NRXN3: variants seen among roughly 807,000 people sequenced by gnomAD.
The protein encoded by NRXN3 is neurexin 3, also known as neurexin III.
Under a neutral mutation model 137.6 loss-of-function variants are expected in NRXN3, and 32 were observed. That is an observed-to-expected ratio of 0.23 (90% confidence interval 0.18 to 0.31). The LOEUF is 0.31. Among genes scored for constraint, NRXN3 ranks in the 10% least tolerant of loss-of-function variants. The probability of loss-of-function intolerance (pLI) is 1.00; values close to 1 mark genes in which losing one functional copy is unlikely to be tolerated. For synonymous variants in NRXN3, 798 were observed against 784.5 expected (o/e 1.02, Z -0.29); for missense variants, 1,574 against 2,062.5 (o/e 0.76, Z 4.59).
At chr14:79,182,990 T>C (rs1369305676) in intron 15 of NRXN3, among the ~76,000 whole-genome samples, 1 of 152,160 alleles carries the variant, frequency 6.6e-6, no homozygotes, top group African/African-American at 2.4e-5. Flanking sequence ...AAGAAAAATC[T>C]GGTACATGTT....
chr14:78,488,575 A>G (rs1451427211), intron 4 of NRXN3, among the ~76,000 whole-genome samples: 2 of 152,120 alleles, frequency 1.3e-5, no homozygotes, highest in African/African-American at 4.8e-5. Context: ...CATTATTACT[A>G]TTACTAAAAT....
intron 15 of NRXN3, among the ~76,000 whole-genome samples, chr14:79,207,765 C>T (rs1438655708): frequency 1.3e-5 from 2 of 152,098 alleles, no homozygotes; most frequent in Non-Finnish European, 2.9e-5. Flanking sequence ...TCTTGGAAGC[C>T]TCTGGGTTTG....
At chr14:79,317,842 A>G (rs1454734119) in intron 15 of NRXN3, among the ~76,000 whole-genome samples, 1 of 152,220 alleles carries the variant, frequency 6.6e-6, no homozygotes, top group Non-Finnish European at 1.5e-5. Flanking sequence ...ATACATGTCT[A>G]CGTGTTAAAA....
intron 15 of NRXN3, among the ~76,000 whole-genome samples, chr14:79,083,775 A>T (rs369106852): frequency 1.3e-5 from 2 of 152,272 alleles, no homozygotes; most frequent in African/African-American, 4.8e-5. Flanking sequence ...AGGAAAAGTC[A>T]TCAGGGGTTT....
chr14:79,747,389 T>A (rs1603460857), intron 19 of NRXN3, among the ~76,000 whole-genome samples: 1 of 152,110 alleles, frequency 6.6e-6, no homozygotes, highest in Non-Finnish European at 1.5e-5. Context: ...AAAAAGTAGA[T>A]TGGAAGAAGC....
At chr14:79,770,379 G>T (rs1018537721) in intron 19 of NRXN3, among the ~76,000 whole-genome samples, 2 of 148,294 alleles carry the variant, frequency 1.3e-5, no homozygotes, top group Non-Finnish European at 3.0e-5. Flanking sequence ...TGGAAGTAAA[G>T]CTCTCCTCAG....
At chr14:79,460,354 G>T (rs1195991816) in intron 15 of NRXN3, among the ~76,000 whole-genome samples, 1 of 152,052 alleles carries the variant, frequency 6.6e-6, no homozygotes, top group African/African-American at 2.4e-5. Context: ...TCTCTTCCAT[G>T]GTATTTACCA....
intron 19 of NRXN3, among the ~76,000 whole-genome samples, chr14:79,698,707 G>T (rs1005300465): frequency 6.6e-6 from 1 of 151,922 alleles, no homozygotes. Context: ...AGCCTTAAAT[G>T]CTCTGGCATA....
chr14:78,194,988 G>A (rs8010446), intron 1 of NRXN3, among the ~76,000 whole-genome samples: 25,226 of 152,188 alleles, frequency 0.17, 2,284 homozygotes, highest in Non-Finnish European at 0.21. Flanking sequence ...AGGCTCTCTT[G>A]CTCAGACATT....
chr14:78,296,046 T>C (rs908578672), intron 3 of NRXN3, among the ~76,000 whole-genome samples: 88 of 151,598 alleles, frequency 5.8e-4, no homozygotes, highest in Non-Finnish European at 9.1e-4. Context: ...TCTTTTTTTT[T>C]TCTCTCTCTC....
At chr14:79,592,988 T>A (rs2097821575) in intron 16 of NRXN3, among the ~76,000 whole-genome samples, 1 of 152,208 alleles carries the variant, frequency 6.6e-6, no homozygotes, top group Non-Finnish European at 1.5e-5. Context: ...AACTTTCTGG[T>A]ATTTCAAAAG....
At chr14:78,606,516 T>C (rs900684200) in intron 4 of NRXN3, among the ~76,000 whole-genome samples, 1 of 152,216 alleles carries the variant, frequency 6.6e-6, no homozygotes, top group Non-Finnish European at 1.5e-5. Flanking sequence ...CCCTGTACTC[T>C]GATAGCACAT....
At chr14:78,229,465 G>A (rs1224242293) in intron 1 of NRXN3, among the ~76,000 whole-genome samples, 1 of 151,918 alleles carries the variant, frequency 6.6e-6, no homozygotes, top group Non-Finnish European at 1.5e-5. Context: ...TTGAATGAGG[G>A]GCTTGGGCTG....
At chr14:78,386,631 C>T (rs2090009368) in intron 4 of NRXN3, among the ~76,000 whole-genome samples, 1 of 152,104 alleles carries the variant, frequency 6.6e-6, no homozygotes, top group Admixed American at 6.5e-5. Context: ...GATGAACAAA[C>T]CAAAGGCTAG....
At chr14:78,654,764 T>G (rs930744712) in intron 6 of NRXN3, among the ~76,000 whole-genome samples, 8 of 152,234 alleles carry the variant, frequency 5.3e-5, no homozygotes, top group Non-Finnish European at 8.8e-5. Flanking sequence ...TCTTGTTGTA[T>G]CCCCAGCTCC....
intron 19 of NRXN3, among the ~76,000 whole-genome samples, chr14:79,743,787 A>C (rs2154081965): frequency 6.6e-6 from 1 of 152,288 alleles, no homozygotes; most frequent in East Asian, 1.9e-4. Context: ...AATGATGCTA[A>C]GTTTCTTGCA....
chr14:78,778,712 TTCTTTCTTTCTTTCTTTCTC>T (rs2098754329), intron 8 of NRXN3, among the ~76,000 whole-genome samples: 1 of 149,262 alleles, frequency 6.7e-6, no homozygotes, highest in African/African-American at 2.5e-5. Context: ...CTTTCTTTCT[TTCTTTCTTTCTTTCTTTCTC>T]TCTCTCTTTC....
intron 15 of NRXN3, among the ~76,000 whole-genome samples, chr14:79,390,944 T>A (rs1040282702): frequency 2.0e-5 from 3 of 152,082 alleles, no homozygotes; most frequent in Non-Finnish European, 4.4e-5. Context: ...AAAAGGAAGT[T>A]CAGCCCCCTC....
At chr14:79,755,423 C>T (rs1373671527) in intron 19 of NRXN3, among the ~76,000 whole-genome samples, 1 of 152,016 alleles carries the variant, frequency 6.6e-6, no homozygotes, top group East Asian at 1.9e-4. Context: ...GATTCCTCTA[C>T]AGTGTAAATC....
Sources: gnomAD v4.1 joint callset for allele counts (sites outside exome capture counted in the v4.1 genomes callset) on GRCh38, gnomAD v4.1.1 for gene constraint, MANE v1.5 for transcripts, NCBI Gene and HGNC (gene_info 2026-07-23, HGNC 2026-07-21) for gene names.